The following LRP1B variants were observed in gnomAD, a reference collection of about 807,000 sequenced individuals.
LRP1B encodes LDL receptor related protein 1B, also known as low-density lipoprotein receptor-related protein 1B.
In LRP1B, 217 loss-of-function variants were observed where a neutral mutation model predicts 556.6. That is an observed-to-expected ratio of 0.39 (90% CI 0.35 to 0.44). The LOEUF (loss-of-function observed/expected upper bound fraction) is 0.44, where lower values mean the gene tolerates loss of function less well. Ranked by LOEUF, LRP1B falls within the 20% of genes least tolerant of loss-of-function variation. The pLI, the probability that LRP1B is intolerant of heterozygous loss-of-function variation, is 1.00. For missense variants in LRP1B, 5,053 were observed against 5,620.8 expected (o/e 0.90, Z 3.23); for synonymous variants, 2,047 against 1,865.8 (o/e 1.10, Z -2.50).
chr2:141,923,272 T>A (rs1401332946), intron 1 of LRP1B, among the ~76,000 whole-genome samples: 2 of 151,650 alleles, frequency 1.3e-5, no homozygotes, highest in Admixed American at 1.3e-4. Context: ...TTGCCACCTC[T>A]ACAGATGGCC....
chr2:141,722,013 C>T (rs1456088386), intron 2 of LRP1B, among the ~76,000 whole-genome samples: 2 of 152,018 alleles, frequency 1.3e-5, no homozygotes, highest in African/African-American at 4.8e-5. Flanking sequence ...TAGGTAAAAC[C>T]CAAGTTACTA....
intron 41 of LRP1B, among the ~76,000 whole-genome samples, chr2:140,659,098 G>GT (rs59651364): frequency 0.64 from 38,975 of 60,798 alleles, 16,896 homozygotes; most frequent in Non-Finnish European, 0.78. Flanking sequence ...CTGTAAATCT[G>GT]TTTTTTTTTT....
intron 84 of LRP1B, among the ~76,000 whole-genome samples, chr2:140,281,277 T>A (rs1682902006): frequency 6.6e-6 from 1 of 151,984 alleles, no homozygotes; most frequent in Non-Finnish European, 1.5e-5. Context: ...CTATACAATC[T>A]ATAACTGCAT....
chr2:140,717,483 TCA>T (rs1487607995), intron 35 of LRP1B, among the ~76,000 whole-genome samples: 2 of 152,100 alleles, frequency 1.3e-5, no homozygotes, highest in Non-Finnish European at 2.9e-5. Flanking sequence ...TTCTATGTGA[TCA>T]CAGAGTCTTT....
At chr2:141,967,011 A>C (rs1701584323) in intron 1 of LRP1B, among the ~76,000 whole-genome samples, 2 of 151,704 alleles carry the variant, frequency 1.3e-5, no homozygotes. Flanking sequence ...TTTCTCTATT[A>C]CACTGGTCTT....
intron 1 of LRP1B, among the ~76,000 whole-genome samples, chr2:141,962,735 G>T (rs1701437136): frequency 6.6e-6 from 1 of 151,722 alleles, no homozygotes; most frequent in Admixed American, 6.6e-5. Context: ...ACCATATAAG[G>T]TTAAACTGCA....
intron 35 of LRP1B, among the ~76,000 whole-genome samples, chr2:140,731,604 C>T (rs973735984): frequency 2.6e-5 from 4 of 151,734 alleles, no homozygotes; most frequent in Non-Finnish European, 5.9e-5. Flanking sequence ...TCCATCTGTA[C>T]TAAAAATACA....
At chr2:140,661,224 A>C (rs1027794591) in intron 41 of LRP1B, among the ~76,000 whole-genome samples, 1 of 152,146 alleles carries the variant, frequency 6.6e-6, no homozygotes, top group Admixed American at 6.5e-5. Flanking sequence ...GAGTGCTATT[A>C]AAAAACATGA....
Position 140,950,260 on chromosome 2 carries a change from T to C in LRP1B, c.3111A>G (p.Glu1037=), listed in dbSNP as rs1695674121. 1 of 1,599,886 alleles carries C rather than the reference T, an allele frequency of 6.3e-7. No homozygotes were observed. The highest frequency in any genetic ancestry group is 2.2e-5 in the East Asian group (1 of 44,574). ...GDNDCGDFSD[E]AQINCTKEEI... is the part of the protein sequence containing the mutation. ...CTTCTTTAGTACAATTGATCTGGGC[T>C]TCATCACTGAAGTCCCCACAGTCAT... Residue 1037 remains glutamate, a synonymous_variant, in exon 20 of 91, where the codon GAA becomes GAG. Coordinates refer to ENST00000389484, the MANE Select transcript of LRP1B (RefSeq NM_018557.3).
intron 18 of LRP1B, among the ~76,000 whole-genome samples, chr2:140,967,179 G>A (rs1696253179): frequency 6.6e-6 from 1 of 152,100 alleles, no homozygotes; most frequent in African/African-American, 2.4e-5. Context: ...CCATGAGCAT[G>A]GAATGTTCTT....
intron 87 of LRP1B, among the ~76,000 whole-genome samples, chr2:140,243,113 A>C (rs1263848852): frequency 6.6e-6 from 1 of 151,034 alleles, no homozygotes; most frequent in Non-Finnish European, 1.5e-5. Context: ...TGATGAGATC[A>C]TTTGGGAACT....
chr2:141,333,459 C>T (rs1687734061), intron 3 of LRP1B, among the ~76,000 whole-genome samples: 1 of 152,184 alleles, frequency 6.6e-6, no homozygotes, highest in South Asian at 2.1e-4. Flanking sequence ...GTCTTCTTAT[C>T]ATAGTTTTCA....
At chr2:140,347,159 CA>C (rs1232881523) in intron 77 of LRP1B, among the ~76,000 whole-genome samples, 1 of 151,584 alleles carries the variant, frequency 6.6e-6, no homozygotes, top group Admixed American at 6.6e-5. Flanking sequence ...ATAAATTGCC[CA>C]AGAGCATGTA....
intron 22 of LRP1B, among the ~76,000 whole-genome samples, chr2:140,907,118 C>T (rs1694279982): frequency 6.6e-6 from 1 of 152,050 alleles, no homozygotes; most frequent in African/African-American, 2.4e-5. Context: ...CATTTTCTCA[C>T]AGCCTCAAGT....
At chr2:141,221,196 G>A (rs1462651205) in intron 6 of LRP1B, among the ~76,000 whole-genome samples, 1 of 151,350 alleles carries the variant, frequency 6.6e-6, no homozygotes, top group African/African-American at 2.4e-5. Flanking sequence ...CAAAATAAAG[G>A]GATGGAGGAA....
At chr2:141,166,098 T>C (rs1209559338) in intron 7 of LRP1B, among the ~76,000 whole-genome samples, 12 of 151,938 alleles carry the variant, frequency 7.9e-5, no homozygotes, top group Non-Finnish European at 7.4e-5. Flanking sequence ...CCACATACGC[T>C]ATGTTTTACC....
intron 12 of LRP1B, among the ~76,000 whole-genome samples, chr2:141,017,075 T>C (rs1035033777): frequency 2.6e-5 from 4 of 152,082 alleles, no homozygotes; most frequent in Non-Finnish European, 5.9e-5. Flanking sequence ...AGGAACTATA[T>C]TGAGACTGTT....
chr2:140,335,729 C>A lies in LRP1B; in HGVS notation c.12002G>T (p.Trp4001Leu), dbSNP rs1037425884. 5 of 1,612,340 alleles carry A rather than the reference C, an allele frequency of 3.1e-6. No individual in the cohort carries two copies. The African/African-American group carries it at 6.7e-5, about 22-fold the overall frequency. Residue 4001 changes from tryptophan (W) to leucine (L), a missense_variant, in exon 78 of 91, where the codon TGG becomes TTG. Physicochemically the swap from Trp to Leu is moderately conservative, Grantham distance 61. This residue lies in a region of LRP1B where 599 missense variants were observed against 648.4 expected (regional missense o/e 0.92). Transcript: ENST00000389484. ...MHWFSYYTTH[W>L]TSLRYSINVG... ...GTTGATAGAGTACCTCAGACTGGTC[C>A]AGTGAGTAGTGTAGTAACTGAACCA...
intron 35 of LRP1B, among the ~76,000 whole-genome samples, chr2:140,739,177 G>C (rs1688051372): frequency 6.6e-6 from 1 of 152,122 alleles, no homozygotes; most frequent in Non-Finnish European, 1.5e-5. Context: ...AGCTTCAAAG[G>C]TATCTTTTGA....
Sources: allele counts gnomAD v4.1 joint callset (sites outside exome capture counted in the v4.1 genomes callset), GRCh38; gene constraint gnomAD v4.1.1; regional missense constraint gnomAD v4.1.1; transcripts MANE v1.5; gene names NCBI Gene and HGNC (gene_info 2026-07-23, HGNC 2026-07-21).